KHDRBS1: variants seen among roughly 807,000 people sequenced by gnomAD.
The protein encoded by KHDRBS1 is KH RNA binding domain containing, signal transduction associated 1.
KHDRBS1 carries 7 observed loss-of-function variants against 48.4 expected under a neutral mutation model. The ratio of observed to expected loss-of-function variants is 0.14; its 90% CI spans 0.08 to 0.27. The LOEUF is 0.27. Among genes scored for constraint, KHDRBS1 ranks in the 10% least tolerant of loss-of-function variants. The pLI is 1.00. For missense variants in KHDRBS1, 458 were observed against 601.2 expected (o/e 0.76, Z 2.49); for synonymous variants, 241 against 235.8 (o/e 1.02, Z -0.20).
rs148518114 is a variant in KHDRBS1 at position 32,028,927 on chromosome 1, C to T, written c.383-1371C>T. Among the ~76,000 whole-genome samples the T allele has an allele frequency of 2.2e-3, 337 of 152,168 alleles. 5 individuals are homozygous for T. Among genetic ancestry groups the T allele is most frequent in the African/African-American group, 7.6e-3 (315 of 41,506 alleles). On this transcript the variant is annotated intron_variant, in intron 1 of 8. Transcript: ENST00000327300. ...TTATAGTACTTTACTTCATTGCCAC[C>T]TCTATAGTCTGGGAACTCCAGTATA...
chr1:32,023,090 G>A (rs1416971187), intron 1 of KHDRBS1, among the ~76,000 whole-genome samples: 2 of 151,810 alleles, frequency 1.3e-5, no homozygotes, highest in East Asian at 1.9e-4. Context: ...CATACACCAA[G>A]CATGTAGGAG....
At chr1:32,038,110 G>A (rs1263456797) in intron 6 of KHDRBS1, 74 bp downstream of exon 6, 18 of 1,584,208 alleles carry the variant, frequency 1.1e-5, no homozygotes, top group South Asian at 2.3e-5. Flanking sequence ...ACAGGGCCTC[G>A]GTCCTTTATG....
Position 32,032,783 on chromosome 1 carries a change from G to A in KHDRBS1, c.625-405G>A, listed in dbSNP as rs188344543. Among the ~76,000 whole-genome samples, 7 of 151,928 alleles carry A rather than the reference G, an allele frequency of 4.6e-5. No homozygotes were observed. In the East Asian group the frequency reaches 9.7e-4, roughly 21 times the overall value. ...TGGCTCACTGCAACCTCCACCTCAC[G>A]GGTTCAAGCAATTCTCCTGCCTCAG... On this transcript the variant is annotated intron_variant, in intron 3 of 8. Coordinates refer to ENST00000327300, the MANE Select transcript of KHDRBS1 (RefSeq NM_006559.3).
At chr1:32,020,187 A>G (rs961517261) in intron 1 of KHDRBS1, among the ~76,000 whole-genome samples, 5 of 151,944 alleles carry the variant, frequency 3.3e-5, no homozygotes, top group Non-Finnish European at 5.9e-5. Flanking sequence ...AGGTGAGAGG[A>G]TTGCTTGAGC....
intron 10 of KHDRBS1, among the ~76,000 whole-genome samples, chr1:32,052,907 G>A (rs375973772): frequency 1.9e-4 from 29 of 152,196 alleles, no homozygotes; most frequent in East Asian, 5.8e-4. Flanking sequence ...GGTTCACCCC[G>A]TAACCCCAAG....
At chr1:32,040,404 C>T (rs1639260860) in intron 8 of KHDRBS1, among the ~76,000 whole-genome samples, 1 of 150,698 alleles carries the variant, frequency 6.6e-6, no homozygotes, top group Non-Finnish European at 1.5e-5. Flanking sequence ...CAACAAAAGT[C>T]CGTCTCAAAA....
intron 1 of KHDRBS1, among the ~76,000 whole-genome samples, chr1:32,030,056 GTC>G (rs1486567256): frequency 6.6e-6 from 1 of 152,058 alleles, no homozygotes; most frequent in Admixed American, 6.5e-5. Context: ...ACATTTAAAT[GTC>G]TCTGTTGTCA....
downstream of KHDRBS1, chr1:32,045,211 T>C (rs1327258931): frequency 1.3e-5 from 2 of 152,670 alleles, no homozygotes; most frequent in African/African-American, 4.8e-5. Flanking sequence ...TAAAATTTCT[T>C]AAAAGTTGCA....
chr1:32,051,793 G>C (rs150721052), intron 10 of KHDRBS1, among the ~76,000 whole-genome samples: 1 of 152,226 alleles, frequency 6.6e-6, no homozygotes, highest in East Asian at 1.9e-4. Context: ...CCCACCTCCT[G>C]TCCCAGGCTA....
At chr1:32,058,525 G>A (rs1476053523) in intron 10 of KHDRBS1, among the ~76,000 whole-genome samples, 10 of 152,312 alleles carry the variant, frequency 6.6e-5, no homozygotes, top group Admixed American at 1.3e-4. Flanking sequence ...AAGACAACTT[G>A]AATGGGAGGA....
At chr1:32,051,166 GGGATT>G (rs1639414515) in intron 10 of KHDRBS1, among the ~76,000 whole-genome samples, 2 of 152,308 alleles carry the variant, frequency 1.3e-5, no homozygotes, top group South Asian at 4.2e-4. Flanking sequence ...CCAAAGTGCT[GGGATT>G]ACAGGCGTGA....
intron 10 of KHDRBS1, among the ~76,000 whole-genome samples, chr1:32,054,799 C>G (rs1639461327): frequency 6.6e-6 from 1 of 152,158 alleles, no homozygotes; most frequent in Non-Finnish European, 1.5e-5. Context: ...AGCTCATCGG[C>G]TGTCGTTAGT....
chr1:32,021,817 A>G (rs1247638468), intron 1 of KHDRBS1, among the ~76,000 whole-genome samples: 1 of 151,718 alleles, frequency 6.6e-6, no homozygotes, highest in Non-Finnish European at 1.5e-5. Context: ...CGCCTGGCTA[A>G]GTTTTGTATT....
intron 1 of KHDRBS1, among the ~76,000 whole-genome samples, chr1:32,019,503 T>G (rs2124357881): frequency 6.6e-6 from 1 of 151,468 alleles, no homozygotes; most frequent in East Asian, 1.9e-4. Flanking sequence ...TGAGCTGAGA[T>G]CTAGCCAACA....
rs551812118 is a variant in KHDRBS1 at position 32,021,727 on chromosome 1, G to C, written c.382+7350G>C. Among the ~76,000 whole-genome samples, 47 of 150,620 alleles carry C rather than the reference G, an allele frequency of 3.1e-4. No homozygotes were observed. In the South Asian group the frequency reaches 9.5e-3, roughly 30 times the overall value. ...TGCTTCCCGGGTTCAAGCGATTCTT[G>C]TGCCTCAGCCTCTCAAGTAACTGGG... On this transcript the variant is annotated intron_variant, in intron 1 of 8. Transcript: ENST00000327300.
intron 1 of KHDRBS1, among the ~76,000 whole-genome samples, chr1:32,029,768 T>G (rs936217268): frequency 1.3e-5 from 2 of 152,246 alleles, no homozygotes; most frequent in Non-Finnish European, 2.9e-5. Context: ...TTGGCCTTAA[T>G]TAGGCATATC....
chr1:32,013,908 T>C lies in KHDRBS1; in HGVS notation c.-88T>C. 8.0e-7 allele frequency: 1 copy of C among 1,254,376 alleles called. No individual in the cohort carries two copies. Among genetic ancestry groups the C allele is most frequent in the Admixed American group, 4.1e-5 (1 of 24,188 alleles). The allele number at this position is 1,254,376 out of a possible 1,614,324, so 77.7% of individuals were successfully genotyped here. A position where few individuals can be genotyped will look rare whatever the true frequency, so the allele number is the denominator to read the frequency against. ...TCGGGTCGGCTTCGGTCGCTACCGC[T>C]CCCGCTCTGCCACCCCCGCCAACCG... is the stretch of plus-strand genomic sequence containing the variant. On this transcript the variant is annotated 5_prime_UTR_variant, in exon 1 of 9. Transcript: ENST00000327300.
Position 32,041,868 on chromosome 1 carries a change from G to A in KHDRBS1, c.1235-659G>A, listed in dbSNP as rs1314782755. ...CTCCCAAAGTGCTGGGATTACGGGC[G>A]TGAGCCACCGCATGCAGCCTTGGAA... is the stretch of plus-strand genomic sequence containing the variant. On this transcript the variant is annotated intron_variant, in intron 8 of 8. Transcript: ENST00000327300. Among the ~76,000 whole-genome samples, 5 of 152,142 alleles carry A rather than the reference G, an allele frequency of 3.3e-5. No individual in the cohort carries two copies. The East Asian group carries it at 7.7e-4, about 23-fold the overall frequency.
intron 1 of KHDRBS1, among the ~76,000 whole-genome samples, chr1:32,022,225 A>G (rs1208081001): frequency 6.7e-6 from 1 of 149,786 alleles, no homozygotes; most frequent in African/African-American, 2.5e-5. Context: ...GTTGGCCAGG[A>G]TAGTCTCGAT....
Sources: gnomAD v4.1 joint callset for allele counts (sites outside exome capture counted in the v4.1 genomes callset) on GRCh38, gnomAD v4.1.1 for gene constraint, MANE v1.5 for transcripts, NCBI Gene and HGNC (gene_info 2026-07-23, HGNC 2026-07-21) for gene names.